The following MARCHF1 variants were observed in gnomAD, a reference collection of about 807,000 sequenced individuals.
The protein encoded by MARCHF1 is membrane associated ring-CH-type finger 1, also known as E3 ubiquitin-protein ligase MARCHF1.
In MARCHF1, 40 loss-of-function variants were observed where a neutral mutation model predicts 54.2. The ratio of observed to expected loss-of-function variants is 0.74; its 90% confidence interval spans 0.57 to 0.96. MARCHF1 has a LOEUF of 0.96. MARCHF1 is among the 40% of genes least tolerant of loss of function. The probability of loss-of-function intolerance (pLI) is 0.00; values close to 1 mark genes in which losing one functional copy is unlikely to be tolerated. For missense variants in MARCHF1, 586 were observed against 656.5 expected, an observed-to-expected ratio of 0.89 and a Z score of 1.17; for synonymous variants, 236 against 236.3, an observed-to-expected ratio of 1.00 and a Z score of 0.01.
chr4:163,563,308 G>A (rs1039969610), intron 8 of MARCHF1, among the ~76,000 whole-genome samples: 3 of 152,142 alleles, frequency 2.0e-5, no homozygotes, highest in Non-Finnish European at 2.9e-5. Flanking sequence ...GAAAGGGGTG[G>A]CTAAGAAACT....
chr4:164,268,239 C>A (rs1733658586), intron 1 of MARCHF1, among the ~76,000 whole-genome samples: 1 of 152,124 alleles, frequency 6.6e-6, no homozygotes, highest in South Asian at 2.1e-4. Flanking sequence ...AAGACCAAGA[C>A]AATTGTGCTG....
At chr4:164,343,401 G>A (rs1174982605) in intron 1 of MARCHF1, among the ~76,000 whole-genome samples, 1 of 152,070 alleles carries the variant, frequency 6.6e-6, no homozygotes, top group Non-Finnish European at 1.5e-5. Context: ...AAAAGAAACT[G>A]TCAACAGAGT....
At chr4:163,722,151 T>C (rs1319015739) in intron 4 of MARCHF1, among the ~76,000 whole-genome samples, 2 of 152,158 alleles carry the variant, frequency 1.3e-5, no homozygotes, top group Non-Finnish European at 1.5e-5. Flanking sequence ...TTTCCTGCTT[T>C]CTCTTGTGGG....
At chr4:164,015,215 C>T (rs1361480275) in intron 2 of MARCHF1, among the ~76,000 whole-genome samples, 1 of 152,076 alleles carries the variant, frequency 6.6e-6, no homozygotes. Flanking sequence ...AGCACAGTAT[C>T]TCCAATAAAT....
At chr4:164,290,978 A>AT (rs1734270210) in intron 1 of MARCHF1, among the ~76,000 whole-genome samples, 1 of 151,868 alleles carries the variant, frequency 6.6e-6, no homozygotes, top group Non-Finnish European at 1.5e-5. Context: ...TAATTTATTC[A>AT]TTTTAAAGTA....
chr4:163,888,991 G>A (rs984946548), intron 3 of MARCHF1, among the ~76,000 whole-genome samples: 8 of 152,034 alleles, frequency 5.3e-5, no homozygotes, highest in Non-Finnish European at 1.0e-4. Flanking sequence ...AAATTATATC[G>A]ATTATTATTG....
chr4:163,748,508 C>G lies in MARCHF1; in HGVS notation c.112-47645G>C, dbSNP rs912721103. Among the ~76,000 whole-genome samples, 56 of 152,154 alleles carry G rather than the reference C, an allele frequency of 3.7e-4. 1 individual carries two copies. Among genetic ancestry groups the G allele is most frequent in the African/African-American group, 1.3e-3 (54 of 41,516 alleles). On this transcript the variant is annotated intron_variant, in intron 4 of 9. Coordinates refer to ENST00000514618, the MANE Select transcript of MARCHF1 (RefSeq NM_001394959.1). Reference sequence around the variant, plus strand: ...GGATAGCTGGTATTGATTCACTGTTCCTCAAGTGATCAGGCTGCATGCCAA... The same window carrying G: ...GGATAGCTGGTATTGATTCACTGTTGCTCAAGTGATCAGGCTGCATGCCAA...
At chr4:164,189,446 A>T in intron 1 of MARCHF1, 1 of 700,496 alleles carries the variant, frequency 1.4e-6, no homozygotes, top group Non-Finnish European at 2.6e-6. Flanking sequence ...TCTGATATTG[A>T]TGATGTTGTT....
At chr4:163,651,800 T>G (rs956895776) in intron 5 of MARCHF1, among the ~76,000 whole-genome samples, 1 of 151,062 alleles carries the variant, frequency 6.6e-6, no homozygotes. Context: ...ATTTCCACTT[T>G]TTTTTTTTTT....
intron 2 of MARCHF1, among the ~76,000 whole-genome samples, chr4:164,077,459 C>T (rs2116115): frequency 0.49 from 74,391 of 151,950 alleles, 19,587 homozygotes; most frequent in Non-Finnish European, 0.6. Context: ...CTATTCAGGA[C>T]ATAGGCATGG....
intron 7 of MARCHF1, among the ~76,000 whole-genome samples, chr4:163,596,056 G>A (rs1215245538): frequency 1.3e-5 from 2 of 151,768 alleles, no homozygotes; most frequent in South Asian, 2.1e-4. Flanking sequence ...ATAACAATGA[G>A]AACAAAAGCT....
intron 1 of MARCHF1, among the ~76,000 whole-genome samples, chr4:164,294,951 T>G (rs1734374895): frequency 6.6e-6 from 1 of 152,184 alleles, no homozygotes; most frequent in South Asian, 2.1e-4. Context: ...TGGGTGCAAC[T>G]TTACTTCTAC....
Position 164,138,926 on chromosome 4 carries a change from C to A in MARCHF1, c.-322-27264G>T, listed in dbSNP as rs552463007. Among the ~76,000 whole-genome samples, 4 of 152,102 alleles carry A rather than the reference C, an allele frequency of 2.6e-5. No individual in the cohort carries two copies. In the East Asian group the frequency reaches 7.7e-4, roughly 29 times the overall value. ...AGTTGGTAAGGCATGGACACAGCCACCACAAAATTATTATAACAAAAATAA... is the reference window on the plus strand; with the variant it reads ...AGTTGGTAAGGCATGGACACAGCCAACACAAAATTATTATAACAAAAATAA... On this transcript the variant is annotated intron_variant, in intron 1 of 9. Transcript: ENST00000514618.
intron 3 of MARCHF1, among the ~76,000 whole-genome samples, chr4:163,923,033 T>C (rs1483307375): frequency 6.6e-6 from 1 of 152,172 alleles, no homozygotes. Flanking sequence ...GTCAGGCATG[T>C]ATAACATTCA....
chr4:163,942,605 G>A (rs1248879324), intron 3 of MARCHF1, among the ~76,000 whole-genome samples: 1 of 152,108 alleles, frequency 6.6e-6, no homozygotes, highest in Non-Finnish European at 1.5e-5. Context: ...TAATGTCCAT[G>A]CCAAGTAATT....
At chr4:163,873,138 A>G (rs1009859233) in intron 3 of MARCHF1, among the ~76,000 whole-genome samples, 4 of 152,180 alleles carry the variant, frequency 2.6e-5, no homozygotes, top group African/African-American at 7.2e-5. Context: ...AAAATAATCA[A>G]TTTCTTAAGG....
chr4:163,603,926 C>A (rs1741059899), intron 7 of MARCHF1, among the ~76,000 whole-genome samples: 1 of 151,980 alleles, frequency 6.6e-6, no homozygotes, highest in African/African-American at 2.4e-5. Context: ...AAATTAAAAA[C>A]AAAAACTAAA....
At chr4:164,164,981 T>C (rs1404029196) in intron 1 of MARCHF1, among the ~76,000 whole-genome samples, 1 of 151,968 alleles carries the variant, frequency 6.6e-6, no homozygotes, top group East Asian at 1.9e-4. Context: ...GAAGCTCAAC[T>C]TCAGCAAGAA....
intron 2 of MARCHF1, among the ~76,000 whole-genome samples, chr4:164,012,511 T>C (rs1161069011): frequency 2.6e-5 from 4 of 152,126 alleles, no homozygotes; most frequent in African/African-American, 9.7e-5. Context: ...AAAGTGGTCT[T>C]GGGCTTTGAG....
Sources: allele counts gnomAD v4.1 joint callset (sites outside exome capture counted in the v4.1 genomes callset), GRCh38; gene constraint gnomAD v4.1.1; transcripts MANE v1.5; gene names NCBI Gene and HGNC (gene_info 2026-07-23, HGNC 2026-07-21).